The following GLB1 variants were observed in gnomAD, a reference collection of about 807,000 sequenced individuals.
GLB1 encodes galactosidase beta 1.
Under a neutral mutation model 74.0 loss-of-function variants are expected in GLB1, and 56 were observed. That is an observed-to-expected ratio of 0.76 (90% CI 0.61 to 0.94). The LOEUF is 0.94. Ranked by LOEUF, GLB1 falls within the 40% of genes least tolerant of loss-of-function variation. GLB1 has a pLI of 0.00. For missense variants in GLB1, 787 were observed against 845.5 expected (o/e 0.93, Z 0.86); for synonymous variants, 323 against 323.6 (o/e 1.00, Z 0.02).
chr3:33,034,582 T>C, intron 10 of GLB1: 2 of 719,576 alleles, frequency 2.8e-6, no homozygotes, highest in South Asian at 1.5e-5. Flanking sequence ...CCTGTGATGA[T>C]GCCTTGGGAA....
At chr3:32,966,527 T>C in the GLB1 span, among the ~76,000 whole-genome samples, 32 of 152,300 alleles carry the variant, frequency 2.1e-4, no homozygotes, top group Admixed American at 6.5e-4. Flanking sequence ...GGGAGTTGCC[T>C]TGTTTCAGAT....
intron 15 of GLB1, among the ~76,000 whole-genome samples, chr3:33,013,273 T>A (rs976939736): frequency 6.6e-6 from 1 of 152,218 alleles, no homozygotes; most frequent in Admixed American, 6.5e-5. Context: ...CAAGGCAAAA[T>A]GCACCAATTA....
At chr3:33,054,518 A>G (rs1363382115) in intron 6 of GLB1, among the ~76,000 whole-genome samples, 3 of 152,164 alleles carry the variant, frequency 2.0e-5, no homozygotes, top group African/African-American at 7.2e-5. Flanking sequence ...GTTGACCTGG[A>G]TGCACCCCAC....
At chr3:32,966,728 T>C in the GLB1 span, among the ~76,000 whole-genome samples, 2 of 152,204 alleles carry the variant, frequency 1.3e-5, no homozygotes, top group African/African-American at 2.4e-5. Context: ...TCCCCATGTG[T>C]CTTGGGAGGG....
At chr3:33,094,924 T>C (rs1260643386) in intron 1 of GLB1, among the ~76,000 whole-genome samples, 1 of 152,174 alleles carries the variant, frequency 6.6e-6, no homozygotes, top group East Asian at 1.9e-4. Context: ...TAAAATATTC[T>C]CTAGGGCTGG....
intron 2 of GLB1, among the ~76,000 whole-genome samples, chr3:33,070,441 T>C (rs1699849007): frequency 6.6e-6 from 1 of 152,166 alleles, no homozygotes. Context: ...GGCCTTGTTA[T>C]GAATTTTTAC....
the GLB1 span, among the ~76,000 whole-genome samples, chr3:32,969,088 CG>C: frequency 6.6e-6 from 1 of 152,186 alleles, no homozygotes; most frequent in African/African-American, 2.4e-5. Flanking sequence ...TTTGACACAT[CG>C]GCCCCTTGGA....
intron 5 of GLB1, chr3:33,061,848 A>G (rs985329223): frequency 5.9e-5 from 9 of 152,238 alleles, no homozygotes; most frequent in African/African-American, 2.2e-4. Context: ...AAACCATCAT[A>G]GGTGGCACTG....
chr3:33,066,868 G>C (rs1699703898), intron 4 of GLB1, among the ~76,000 whole-genome samples: 1 of 152,062 alleles, frequency 6.6e-6, no homozygotes, highest in South Asian at 2.1e-4. Flanking sequence ...AAAACATGAA[G>C]GTACTGGAGT....
chr3:33,084,164 C>A (rs1175275058), intron 1 of GLB1, among the ~76,000 whole-genome samples: 6 of 152,290 alleles, frequency 3.9e-5, no homozygotes, highest in East Asian at 1.9e-4. Flanking sequence ...CTGTTCAGCT[C>A]CAGGATGCCA....
intron 14 of GLB1, among the ~76,000 whole-genome samples, chr3:33,016,239 G>C (rs1383709071): frequency 6.6e-6 from 1 of 152,160 alleles, no homozygotes; most frequent in Non-Finnish European, 1.5e-5. Flanking sequence ...TGGTGGAGGG[G>C]CTTCCTCCTT....
intron 1 of GLB1, chr3:33,090,566 GAA>G (rs1394907506): frequency 2.0e-6 from 2 of 985,304 alleles, no homozygotes; most frequent in African/African-American, 1.7e-5. Context: ...GAAATTGAAA[GAA>G]TGATCAAGCT....
chr3:33,095,322 C>T (rs192624049), intron 1 of GLB1, among the ~76,000 whole-genome samples: 1 of 151,574 alleles, frequency 6.6e-6, no homozygotes, highest in African/African-American at 2.4e-5. Context: ...TCGAGACCAT[C>T]CTGGCTAACA....
chr3:33,066,113 T>C (rs979953996), intron 4 of GLB1, among the ~76,000 whole-genome samples: 4 of 152,150 alleles, frequency 2.6e-5, no homozygotes, highest in Admixed American at 2.6e-4. Flanking sequence ...TTGTCCTGCA[T>C]GTAGTTGTCT....
intron 1 of GLB1, among the ~76,000 whole-genome samples, chr3:33,087,170 A>G (rs1700540337): frequency 6.6e-6 from 1 of 152,176 alleles, no homozygotes; most frequent in Non-Finnish European, 1.5e-5. Flanking sequence ...AACCTAGAAG[A>G]TATGGATAAA....
chr3:33,077,878 C>T (rs921349075), intron 1 of GLB1, among the ~76,000 whole-genome samples: 3 of 151,354 alleles, frequency 2.0e-5, no homozygotes, highest in African/African-American at 7.3e-5. Context: ...TCCTTGCATA[C>T]TTTATTCAAT....
intron 1 of GLB1, among the ~76,000 whole-genome samples, chr3:33,075,756 A>G (rs1371552426): frequency 6.6e-6 from 1 of 152,190 alleles, no homozygotes; most frequent in Non-Finnish European, 1.5e-5. Flanking sequence ...TTGGCTGCAC[A>G]GCAAAATCAT....
At chr3:33,027,124 C>G (rs1266130753) in intron 10 of GLB1, among the ~76,000 whole-genome samples, 1 of 152,246 alleles carries the variant, frequency 6.6e-6, no homozygotes, top group Non-Finnish European at 1.5e-5. Flanking sequence ...GTGACTCTCT[C>G]TTTGGGGCCC....
chr3:33,094,159 C>A, intron 1 of GLB1: 1 of 1,611,754 alleles, frequency 6.2e-7, no homozygotes, highest in Non-Finnish European at 8.5e-7. Context: ...GCCAGGGTGG[C>A]CTTCGCGCCT....
Sources: gnomAD v4.1 joint callset for allele counts (sites outside exome capture counted in the v4.1 genomes callset) on GRCh38, gnomAD v4.1.1 for gene constraint, MANE v1.5 for transcripts, NCBI Gene and HGNC (gene_info 2026-07-23, HGNC 2026-07-21) for gene names.